BBOF1: variants seen among roughly 807,000 people sequenced by gnomAD.
BBOF1 encodes the protein basal body orientation factor 1.
A neutral mutation model predicts 68.0 loss-of-function variants in BBOF1; 62 were observed. That is an observed-to-expected ratio of 0.91 (90% CI 0.74 to 1.13). BBOF1 has a LOEUF of 1.13. BBOF1 is among the 50% of genes most tolerant of loss of function. The pLI is 0.00. For synonymous variants in BBOF1, 208 were observed against 198.8 expected (o/e 1.05, Z -0.39); for missense variants, 534 against 600.1 (o/e 0.89, Z 1.15).
At chr14:74,022,776 G>C in intron 1 of BBOF1, 140 bp from the exon 2 acceptor site, 1 of 396,672 alleles carries the variant, frequency 2.5e-6, no homozygotes. Context: ...AACAATATTT[G>C]ATCATGTGTG....
chr14:74,027,118 G>A lies in BBOF1; in HGVS notation c.286-2066G>A, dbSNP rs374996483. Among the ~76,000 whole-genome samples the A allele has an allele frequency of 5.2e-5, 6 of 114,310 alleles. No individual in the cohort carries two copies. The East Asian group carries it at 1.1e-3, about 22-fold the overall frequency. The allele number at this position is 114,310 out of a possible 152,430, so 75.0% of individuals were successfully genotyped here. ...TTTTTTTTTTTTGAGACAGAGTCTC[G>A]CTCTGTCACCCAGGCTGGAGTGCAG... On this transcript the variant is annotated intron_variant, in intron 2 of 11. Coordinates refer to ENST00000394009, the MANE Select transcript of BBOF1 (RefSeq NM_025057.3).
chr14:74,019,731 A>G (rs1471764991), intron 1 of BBOF1, among the ~76,000 whole-genome samples, 197 bp downstream of exon 1: 1 of 152,236 alleles, frequency 6.6e-6, no homozygotes, highest in Non-Finnish European at 1.5e-5. Flanking sequence ...AAACGTGTAG[A>G]GGATGTATAA....
chr14:74,050,781 A>G (rs2060048937), intron 8 of BBOF1, among the ~76,000 whole-genome samples: 2 of 152,156 alleles, frequency 1.3e-5, no homozygotes, highest in African/African-American at 4.8e-5. Context: ...GATAATATCT[A>G]TCCAACCATA....
At chr14:74,081,453 G>A (rs1397138729) in intron 12 of BBOF1, among the ~76,000 whole-genome samples, 3 of 152,124 alleles carry the variant, frequency 2.0e-5, no homozygotes, top group African/African-American at 7.2e-5. Context: ...GCTGTTAAGA[G>A]GATGTAAAAA....
intron 3 of BBOF1, chr14:74,031,689 T>C (rs1037922589): frequency 6.6e-6 from 1 of 152,140 alleles, no homozygotes; most frequent in African/African-American, 2.4e-5. Context: ...TCCATCTCTT[T>C]CTTCACCAAT....
At chr14:74,056,446 C>T (rs905877567) in intron 9 of BBOF1, among the ~76,000 whole-genome samples, 3 of 151,842 alleles carry the variant, frequency 2.0e-5, no homozygotes, top group African/African-American at 7.3e-5. Flanking sequence ...GTGACCTGCC[C>T]GCCTCAGCCT....
At chr14:74,042,297 C>G (rs1881282684) in intron 5 of BBOF1, among the ~76,000 whole-genome samples, 1 of 152,220 alleles carries the variant, frequency 6.6e-6, no homozygotes. Context: ...CTGAGACCCT[C>G]CCTGGCACTG....
chr14:74,031,525 T>A (rs2059569792), intron 3 of BBOF1, among the ~76,000 whole-genome samples: 1 of 152,152 alleles, frequency 6.6e-6, no homozygotes, highest in African/African-American at 2.4e-5. Flanking sequence ...ACTGAGGTGC[T>A]CAAACAACAA....
chr14:74,072,614 GAAAA>G (rs771261871), intron 9 of BBOF1: 14 of 1,581,264 alleles, frequency 8.9e-6, no homozygotes, highest in Non-Finnish European at 1.1e-5. Flanking sequence ...ACAGTTGGCT[GAAAA>G]AAACAAACAA....
At chr14:74,076,951 A>G (rs1370827467) in intron 9 of BBOF1, among the ~76,000 whole-genome samples, 1 of 152,216 alleles carries the variant, frequency 6.6e-6, no homozygotes, top group Non-Finnish European at 1.5e-5. Flanking sequence ...CTGCAATCTA[A>G]TAATCTTTTA....
At chr14:74,034,862 G>A (rs1414145144) in intron 4 of BBOF1, among the ~76,000 whole-genome samples, 1 of 152,118 alleles carries the variant, frequency 6.6e-6, no homozygotes, top group African/African-American at 2.4e-5. Context: ...GGCCAAGGCA[G>A]GATAATCTCT....
At chr14:74,033,945 A>G (rs1487718247) in intron 3 of BBOF1, 83 bp from the exon 4 acceptor site, 3 of 952,236 alleles carry the variant, frequency 3.2e-6, no homozygotes, top group Non-Finnish European at 4.5e-6. Context: ...AGATATGCAA[A>G]TGGCGTAAGG....
intron 9 of BBOF1, among the ~76,000 whole-genome samples, chr14:74,077,248 T>C (rs2139809143): frequency 6.6e-6 from 1 of 152,326 alleles, no homozygotes; most frequent in Admixed American, 6.5e-5. Context: ...CATTCCTGTC[T>C]GCTTCCTACC....
At chr14:74,071,534 T>C (rs1013882621) in intron 9 of BBOF1, 10 of 1,612,666 alleles carry the variant, frequency 6.2e-6, no homozygotes, top group Non-Finnish European at 5.9e-6. Context: ...CTCTCCACAC[T>C]GTGTACTAGT....
intron 10 of BBOF1, 67 bp downstream of exon 10, chr14:74,057,047 T>C (rs1302723311): frequency 6.3e-7 from 1 of 1,588,382 alleles, no homozygotes; most frequent in Non-Finnish European, 8.6e-7. Flanking sequence ...GCATCTTGAA[T>C]GTGCTAATTG....
intron 9 of BBOF1, among the ~76,000 whole-genome samples, chr14:74,076,042 A>C (rs1438870099): frequency 6.6e-6 from 1 of 152,216 alleles, no homozygotes; most frequent in African/African-American, 2.4e-5. Context: ...TAATATCAGA[A>C]AGCAGAACAG....
In BBOF1 at chr14:74,080,614, A is replaced by T. The variant is rs183332530; in HGVS notation, n.1537-453A>T. Among the ~76,000 whole-genome samples, 571 of 151,452 alleles carry T rather than the reference A, an allele frequency of 3.8e-3. 6 individuals carry two copies. The highest frequency in any genetic ancestry group is 0.01 in the African/African-American group (417 of 41,260). On this transcript the variant is annotated intron_variant and non_coding_transcript_variant, in intron 10 of 12. Transcript: ENST00000492026. ...CACCATGCCCAGCTAATTAAAAAAA[A>T]TTTTTTTTTGTAGAGATGGGGCCTC...
At chr14:74,045,107 G>T (rs944447462) in intron 5 of BBOF1, among the ~76,000 whole-genome samples, 1 of 152,082 alleles carries the variant, frequency 6.6e-6, no homozygotes, top group Non-Finnish European at 1.5e-5. Context: ...GGGTTGCTGT[G>T]ACAAATAAAT....
Position 74,071,641 on chromosome 14 carries a change from T to A in BBOF1, n.1380-6555T>A. ...CTGACTTGCCCTTCCAAGTTAAGGGTTTGTGCAAAATGAGATTCTCTGAAT... is the reference window on the plus strand; with the variant it reads ...CTGACTTGCCCTTCCAAGTTAAGGGATTGTGCAAAATGAGATTCTCTGAAT... On this transcript the variant is annotated intron_variant and non_coding_transcript_variant, in intron 9 of 12. Transcript: ENST00000492026. 7 of 1,549,454 alleles carry A rather than the reference T, an allele frequency of 4.5e-6. No homozygotes were observed. The South Asian group carries it at 7.2e-5, about 16-fold the overall frequency.
Sources: gnomAD v4.1 joint callset for allele counts (sites outside exome capture counted in the v4.1 genomes callset) on GRCh38, gnomAD v4.1.1 for gene constraint, MANE v1.5 for transcripts, NCBI Gene and HGNC (gene_info 2026-07-23, HGNC 2026-07-21) for gene names.